PCNX4: variants seen among roughly 807,000 people sequenced by gnomAD.
The protein encoded by PCNX4 is pecanex 4, also known as pecanex-like protein 4.
Under a neutral mutation model 107.2 loss-of-function variants are expected in PCNX4, and 103 were observed. The observed-to-expected ratio is 0.96, with a 90% CI of 0.82 to 1.13. The LOEUF (loss-of-function observed/expected upper bound fraction) is 1.13, where lower values mean the gene tolerates loss of function less well. Among genes scored for constraint, PCNX4 ranks in the 50% most tolerant of loss-of-function variants. The pLI, the probability that PCNX4 is intolerant of heterozygous loss-of-function variation, is 0.00. For synonymous variants in PCNX4, 541 were observed against 481.7 expected, an observed-to-expected ratio of 1.12 and a Z score of -1.61; for missense variants, 1,528 against 1,379.4, an observed-to-expected ratio of 1.11 and a Z score of -1.71.
At chr14:60,100,794 G>A (rs1467776891) in intron 1 of PCNX4, among the ~76,000 whole-genome samples, 1 of 152,128 alleles carries the variant, frequency 6.6e-6, no homozygotes, top group Non-Finnish European at 1.5e-5. Flanking sequence ...GCATAACAAG[G>A]AAGAAAATAA....
intron 1 of PCNX4, among the ~76,000 whole-genome samples, chr14:60,106,149 G>A (rs896404665): frequency 4.6e-5 from 7 of 152,140 alleles, no homozygotes; most frequent in African/African-American, 1.7e-4. Flanking sequence ...ATTTGGCCCT[G>A]TAGTTCTGTT....
chr14:60,095,275 G>A (rs940099504), intron 1 of PCNX4, among the ~76,000 whole-genome samples: 2 of 152,146 alleles, frequency 1.3e-5, no homozygotes, highest in Admixed American at 1.3e-4. Context: ...CATAAAAGGG[G>A]CAGAGGAAAA....
rs771824902 is a variant in PCNX4, at chr14:60,114,667, C to T, written c.690-33C>T. On this transcript the variant is annotated intron_variant, in intron 2 of 10. Coordinates refer to ENST00000406854, the MANE Select transcript of PCNX4 (RefSeq NM_001330177.2). ...TTAAAAGATCCTCTTCTATATATTT[C>T]GTGTGATTTAAATGTTCTTTTTTTT... The T allele has an allele frequency of 2.2e-5, 34 of 1,541,912 alleles. 1 individual carries two copies. Among genetic ancestry groups the T allele is most frequent in the Middle Eastern group, 1.7e-4 (1 of 5,850 alleles).
In PCNX4 at chr14:60,138,999, A is replaced by T. The variant is rs1374355204; in HGVS notation, c.*4778A>T. 1 of 85,026 alleles carries T rather than the reference A, an allele frequency of 1.2e-5. No homozygotes were observed. Among genetic ancestry groups the T allele is most frequent in the Non-Finnish European group, 2.1e-5 (1 of 48,336 alleles). 5.3% of individuals were successfully genotyped at this position (85,026 alleles called of 1,614,324 possible). The stretch of plus-strand genomic sequence containing the variant: ...CTAAAAGAACAGCAAAAAGCAAAAT[A>T]AAACAATCGTAGAACTACAAAGCTA... On this transcript the variant is annotated 3_prime_UTR_variant, in exon 11 of 11. Coordinates refer to ENST00000406854, the MANE Select transcript of PCNX4 (RefSeq NM_001330177.2).
rs1244996028 is a variant in PCNX4 at position 60,147,405 on chromosome 14, A to C, written c.*13184A>C. On this transcript the variant is annotated 3_prime_UTR_variant, in exon 11 of 11. Coordinates refer to ENST00000406854, the MANE Select transcript of PCNX4 (RefSeq NM_001330177.2). ...TAAGTGTTCTCACCACACACAAAAA[A>C]AGGTAACTGGGTGACATGTATTAAT... 1 of 152,168 alleles carries C rather than the reference A, an allele frequency of 6.6e-6. No individual in the cohort carries two copies. The highest frequency in any genetic ancestry group is 2.4e-5 in the African/African-American group (1 of 41,436). 9.4% of individuals were successfully genotyped at this position (152,168 alleles called of 1,614,324 possible).
intron 7 of PCNX4, among the ~76,000 whole-genome samples, 175 bp downstream of exon 7, chr14:60,118,867 G>A (rs1173611182): frequency 6.6e-6 from 1 of 152,078 alleles, no homozygotes; most frequent in Non-Finnish European, 1.5e-5. Flanking sequence ...CCTGCTCCTT[G>A]TTTTCATCTA....
At chr14:60,126,621 C>T (rs1896060039) in intron 10 of PCNX4, among the ~76,000 whole-genome samples, 1 of 152,148 alleles carries the variant, frequency 6.6e-6, no homozygotes, top group African/African-American at 2.4e-5. Flanking sequence ...CTGGTACAAC[C>T]CAGAACGTAG....
chr14:60,102,004 T>G (rs902526756), intron 1 of PCNX4, among the ~76,000 whole-genome samples: 1 of 152,234 alleles, frequency 6.6e-6, no homozygotes, highest in Non-Finnish European at 1.5e-5. Context: ...ATTCCACTTA[T>G]GTGAGGTATC....
chr14:60,127,584 T>C (rs1477664808), intron 10 of PCNX4, among the ~76,000 whole-genome samples: 2 of 152,158 alleles, frequency 1.3e-5, no homozygotes, highest in African/African-American at 4.8e-5. Context: ...CTGACTTCAC[T>C]ACAATAAGCC....
At position 60,115,856 on chromosome 14, in the gene PCNX4, G is replaced by A; in HGVS notation, c.1458+37G>A. ...ATGTGTTTAATAGTATTTTCCTATTGCTAAGTTTTATTGTAATTTTGTTTA... is the reference window on the plus strand; with the variant it reads ...ATGTGTTTAATAGTATTTTCCTATTACTAAGTTTTATTGTAATTTTGTTTA... On this transcript the variant is annotated intron_variant, in intron 5 of 10. Transcript: ENST00000406854. 5 of 1,591,940 alleles carry A rather than the reference G, an allele frequency of 3.1e-6. No homozygotes were observed. The East Asian group carries it at 1.1e-4, about 36-fold the overall frequency.
chr14:60,132,740 A>G (rs890565309), intron 10 of PCNX4, among the ~76,000 whole-genome samples: 1 of 152,138 alleles, frequency 6.6e-6, no homozygotes, highest in African/African-American at 2.4e-5. Flanking sequence ...TAAAAAAAAA[A>G]CTTACAACTC....
At chr14:60,096,800 T>C (rs1895434143) in intron 1 of PCNX4, among the ~76,000 whole-genome samples, 1 of 152,174 alleles carries the variant, frequency 6.6e-6, no homozygotes, top group Admixed American at 6.5e-5. Context: ...TTTGGCTGAG[T>C]TGGCCAAATG....
chr14:60,093,021 T>G (rs1895338220), intron 1 of PCNX4, among the ~76,000 whole-genome samples: 1 of 152,226 alleles, frequency 6.6e-6, no homozygotes, highest in South Asian at 2.1e-4. Flanking sequence ...GCCCTTCATG[T>G]TATTTGGTAT....
intron 2 of PCNX4, 86 bp from the exon 3 acceptor site, chr14:60,114,611 GTGT>G (rs1287727330): frequency 4.9e-5 from 52 of 1,069,460 alleles, no homozygotes; most frequent in African/African-American, 1.3e-4. Context: ...GGAAGGGAGT[GTGT>G]TGTTATTCTG....
chr14:60,129,187 C>T (rs1045513766), intron 10 of PCNX4, among the ~76,000 whole-genome samples: 20 of 150,748 alleles, frequency 1.3e-4, no homozygotes, highest in Admixed American at 1.3e-3. Flanking sequence ...TTGCAGTGAG[C>T]CGAGATTGCA....
rs758607688 is a variant in PCNX4 at position 60,115,451 on chromosome 14, G to C, written c.1347G>C (p.Leu449Phe). 2.6e-6 allele frequency: 4 copies of C among 1,521,860 alleles called. No individual in the cohort carries two copies. Among genetic ancestry groups the C allele is most frequent in the Non-Finnish European group, 2.6e-6 (3 of 1,140,654 alleles). 94.3% of individuals were successfully genotyped at this position (1,521,860 alleles called of 1,614,324 possible). A position where few individuals can be genotyped will look rare whatever the true frequency, so the allele number is the denominator to read the frequency against. ...AGATTGGTATTGTCAGACGGATTTT[G>C]CTAACTTTAGGTAGGAAGATAAAGT... ...LMKIGIVRRI[L>F]LTLVSPFAMI... Residue 449 changes from leucine (L) to phenylalanine (F), a missense_variant, in exon 4 of 11, where the codon TTG becomes TTC. Leu to Phe is a conservative substitution (Grantham distance 22). Coordinates refer to ENST00000406854, the MANE Select transcript of PCNX4 (RefSeq NM_001330177.2).
At chr14:60,111,931 C>T (rs922085866) in intron 2 of PCNX4, among the ~76,000 whole-genome samples, 2 of 152,158 alleles carry the variant, frequency 1.3e-5, no homozygotes, top group Non-Finnish European at 2.9e-5. Context: ...GAATTGAGAT[C>T]ATCTCTAGAC....
In PCNX4 at chr14:60,118,568, T is replaced by G; in HGVS notation, c.1818T>G (p.Pro606=). 2 of 1,613,890 alleles carry G rather than the reference T, an allele frequency of 1.2e-6. No individual in the cohort carries two copies. Among genetic ancestry groups the G allele is most frequent in the Non-Finnish European group, 1.7e-6 (2 of 1,179,854 alleles). ...LPVFLVGFPR[P]IQSWPGAAGT... is the part of the protein sequence containing the mutation. ...TGTTCTTGGTGGGGTTTCCCCGACC[T>G]ATTCAGAGTTGGCCAGGAGCAGCAG... is the stretch of plus-strand genomic sequence containing the variant. Residue 606 remains proline (P), a synonymous_variant, in exon 7 of 11, where the codon CCT becomes CCG. Transcript: ENST00000406854.
intron 1 of PCNX4, among the ~76,000 whole-genome samples, chr14:60,095,922 A>C (rs536422796): frequency 6.6e-6 from 1 of 152,344 alleles, no homozygotes; most frequent in South Asian, 2.1e-4. Context: ...AGGCTATATT[A>C]CTGCCTTCTC....
Sources: gnomAD v4.1 joint callset for allele counts (sites outside exome capture counted in the v4.1 genomes callset) on GRCh38, gnomAD v4.1.1 for gene constraint, MANE v1.5 for transcripts, NCBI Gene and HGNC (gene_info 2026-07-23, HGNC 2026-07-21) for gene names.